The following SYNE1 variants were observed in gnomAD, a reference collection of about 807,000 sequenced individuals.
SYNE1 encodes the protein spectrin repeat containing nuclear envelope protein 1, also known as nesprin-1.
A neutral mutation model predicts 1,111.0 loss-of-function variants in SYNE1; 616 were observed. That is an observed-to-expected ratio of 0.55 (90% confidence interval 0.52 to 0.59). The LOEUF (loss-of-function observed/expected upper bound fraction) is 0.59. Ranked by LOEUF, SYNE1 falls within the 20% of genes least tolerant of loss-of-function variation. The probability of loss-of-function intolerance (pLI) is 0.00; values close to 1 mark genes in which losing one functional copy is unlikely to be tolerated. For synonymous variants in SYNE1, 3,855 were observed against 3,825.8 expected (o/e 1.01, Z -0.28); for missense variants, 10,006 against 10,417.0 (o/e 0.96, Z 1.72).
chr6:152,392,616 C>T (rs1478732686), intron 51 of SYNE1, among the ~76,000 whole-genome samples: 3 of 152,112 alleles, frequency 2.0e-5, no homozygotes, highest in African/African-American at 7.2e-5. Context: ...ACCCTGAGAT[C>T]TGCTAAGAGT....
intron 32 of SYNE1, among the ~76,000 whole-genome samples, chr6:152,436,606 T>C (rs550825265): frequency 2.0e-5 from 3 of 152,154 alleles, no homozygotes; most frequent in Non-Finnish European, 4.4e-5. Flanking sequence ...TGGCTAACTT[T>C]TTAATTTTCT....
chr6:152,572,421 GC>G (rs1237136584), intron 3 of SYNE1, among the ~76,000 whole-genome samples: 1 of 152,102 alleles, frequency 6.6e-6, no homozygotes, highest in African/African-American at 2.4e-5. Context: ...TTGTAAAAGT[GC>G]TCATTTCCTA....
At chr6:152,190,601 A>C (rs921582868) in intron 127 of SYNE1, among the ~76,000 whole-genome samples, 1 of 152,134 alleles carries the variant, frequency 6.6e-6, no homozygotes, top group African/African-American at 2.4e-5. Flanking sequence ...ATACCCTTTT[A>C]TTTATTTAAA....
intron 137 of SYNE1, chr6:152,145,416 C>T: frequency 7.1e-7 from 1 of 1,409,146 alleles, no homozygotes; most frequent in Middle Eastern, 2.2e-4. Flanking sequence ...AGAGAGACAG[C>T]AGATGTGCTA....
intron 138 of SYNE1, 137 bp downstream of exon 138, chr6:152,143,486 G>A: frequency 7.8e-7 from 1 of 1,289,188 alleles, no homozygotes; most frequent in Non-Finnish European, 1.1e-6. Context: ...GCTTGGCTTT[G>A]CACATCCAGG....
At chr6:152,375,593 A>T (rs1012057850) in intron 58 of SYNE1, among the ~76,000 whole-genome samples, 4 of 152,090 alleles carry the variant, frequency 2.6e-5, no homozygotes, top group Non-Finnish European at 5.9e-5. Context: ...AAAAAAAAAG[A>T]CTAGAAAAAT....
intron 129 of SYNE1, 62 bp from the exon 130 acceptor site, chr6:152,176,622 T>TG: frequency 6.6e-7 from 1 of 1,512,134 alleles, no homozygotes; most frequent in Non-Finnish European, 9.2e-7. Flanking sequence ...CCAGCCCAGC[T>TG]CTACTAGAAA....
intron 131 of SYNE1, among the ~76,000 whole-genome samples, chr6:152,157,617 C>T (rs1194787687): frequency 2.0e-5 from 3 of 152,068 alleles, no homozygotes; most frequent in Non-Finnish European, 4.4e-5. Context: ...TGACGGACAC[C>T]CCAAATACCC....
chr6:152,618,690 T>C (rs1457763096), intron 3 of SYNE1, among the ~76,000 whole-genome samples: 1 of 152,224 alleles, frequency 6.6e-6, no homozygotes, highest in Non-Finnish European at 1.5e-5. Flanking sequence ...AGAACATAAG[T>C]TACCACAGAA....
chr6:152,272,556 G>A (rs560117490), intron 98 of SYNE1, among the ~76,000 whole-genome samples: 63 of 152,306 alleles, frequency 4.1e-4, no homozygotes, highest in Non-Finnish European at 7.1e-4. Context: ...AAAAGACCCA[G>A]CTTCATGAAG....
chr6:152,626,094 AC>A (rs2099685139), intron 3 of SYNE1, among the ~76,000 whole-genome samples: 1 of 152,198 alleles, frequency 6.6e-6, no homozygotes, highest in Admixed American at 6.5e-5. Flanking sequence ...CTACTAAAAA[AC>A]ATAATAAAAC....
At chr6:152,141,102 T>C in intron 139 of SYNE1, 101 bp downstream of exon 139, 1 of 1,494,054 alleles carries the variant, frequency 6.7e-7, no homozygotes, top group East Asian at 2.3e-5. Flanking sequence ...GATAGAACGG[T>C]GTAGAAGAAG....
chr6:152,314,689 G>C (rs1245128533), intron 87 of SYNE1, among the ~76,000 whole-genome samples: 1 of 152,040 alleles, frequency 6.6e-6, no homozygotes, highest in Non-Finnish European at 1.5e-5. Flanking sequence ...ATAAACAAAC[G>C]CTTGTATTCC....
At chr6:152,362,979 C>T in intron 63 of SYNE1, among the ~76,000 whole-genome samples, 1 of 151,160 alleles carries the variant, frequency 6.6e-6, no homozygotes, top group East Asian at 2.0e-4. Context: ...CTCCCGGGTT[C>T]ACGCCATTCT....
chr6:152,396,681 A>C, intron 50 of SYNE1, 94 bp downstream of exon 50: 1 of 1,167,606 alleles, frequency 8.6e-7, no homozygotes, highest in Non-Finnish European at 1.3e-6. Flanking sequence ...TCACAGTGTC[A>C]AACGTTATTT....
In SYNE1 at chr6:152,511,076, C is replaced by T. The variant is rs990137456; in HGVS notation, c.337G>A (p.Asp113Asn). 39 of 1,613,710 alleles carry T rather than the reference C, an allele frequency of 2.4e-5. No individual in the cohort carries two copies. Among genetic ancestry groups the T allele is most frequent in the Admixed American group, 2.0e-4 (12 of 59,978 alleles). Residue 113 changes from aspartate to asparagine, a missense_variant, in exon 7 of 146, where the codon GAT becomes AAT. By Grantham distance (23) the Asp-to-Asn change is conservative. Coordinates refer to ENST00000367255, the MANE Select transcript of SYNE1 (RefSeq NM_182961.4). ...KIKLVNINST[D>N]IADGRPSIVL... Reference sequence around the variant, plus strand: ...ATTGAGGGTCGGCCATCAGCTATATCGGTGGAGTTAATGTTGACTAATTTA... The same window carrying T: ...ATTGAGGGTCGGCCATCAGCTATATTGGTGGAGTTAATGTTGACTAATTTA...
chr6:152,368,658 T>C, intron 61 of SYNE1: 1 of 302,874 alleles, frequency 3.3e-6, no homozygotes, highest in Non-Finnish European at 6.3e-6. Context: ...GATTTGAGTC[T>C]TCCAAATCAA....
intron 4 of SYNE1, among the ~76,000 whole-genome samples, chr6:152,533,619 C>T (rs1192943054): frequency 6.6e-6 from 1 of 152,068 alleles, no homozygotes; most frequent in African/African-American, 2.4e-5. Flanking sequence ...GTACCTTGGC[C>T]AGATGGCTTC....
At chr6:152,176,969 G>GCA (rs2066611515) in intron 129 of SYNE1, among the ~76,000 whole-genome samples, 1 of 151,816 alleles carries the variant, frequency 6.6e-6, no homozygotes, top group Admixed American at 6.6e-5. Context: ...CTTATAAAAT[G>GCA]CACACACACA....
Sources: gnomAD v4.1 joint callset for allele counts (sites outside exome capture counted in the v4.1 genomes callset) on GRCh38, gnomAD v4.1.1 for gene constraint, MANE v1.5 for transcripts, NCBI Gene and HGNC (gene_info 2026-07-23, HGNC 2026-07-21) for gene names.